Variants in SCIMP observed in about 807,000 individuals in gnomAD.
SCIMP encodes the protein SLP adaptor and CSK interacting membrane protein.
Under a neutral mutation model 22.0 loss-of-function variants are expected in SCIMP, and 18 were observed. The ratio of observed to expected loss-of-function variants is 0.82; its 90% CI spans 0.56 to 1.21. The LOEUF is 1.21. SCIMP is among the 50% of genes most tolerant of loss of function. The probability of loss-of-function intolerance (pLI) is 0.00; values close to 1 mark genes in which losing one functional copy is unlikely to be tolerated. For synonymous variants in SCIMP, 53 were observed against 62.2 expected (o/e 0.85, Z 0.70); for missense variants, 155 against 171.2 (o/e 0.91, Z 0.53).
chr17:5,218,052 G>T (rs2074578990), intron 3 of SCIMP, among the ~76,000 whole-genome samples: 2 of 151,798 alleles, frequency 1.3e-5, no homozygotes, highest in African/African-American at 4.8e-5. Flanking sequence ...TTGAGACAGG[G>T]TCTCACTTTG....
intron 1 of SCIMP, among the ~76,000 whole-genome samples, chr17:5,232,364 G>GTAAACAGTGCAGTA (rs768543079): frequency 1.5e-3 from 11 of 7,150 alleles, no homozygotes; most frequent in Non-Finnish European, 2.8e-3. Flanking sequence ...ACAGTGCAGT[G>GTAAACAGTGCAGTA]TAAACAGTGC....
At chr17:5,231,908 T>C (rs1189803649) in intron 1 of SCIMP, among the ~76,000 whole-genome samples, 5 of 152,030 alleles carry the variant, frequency 3.3e-5, no homozygotes, top group African/African-American at 1.2e-4. Flanking sequence ...TACAAAAAAT[T>C]AGCCAGGCAT....
At chr17:5,224,311 A>AT (rs934663019) in intron 1 of SCIMP, among the ~76,000 whole-genome samples, 3 of 149,696 alleles carry the variant, frequency 2.0e-5, no homozygotes, top group African/African-American at 7.4e-5. Flanking sequence ...ATTTTTTTGT[A>AT]TTTTTTTAGT....
intron 1 of SCIMP, among the ~76,000 whole-genome samples, chr17:5,224,133 G>A (rs1376567025): frequency 6.6e-6 from 1 of 152,038 alleles, no homozygotes; most frequent in African/African-American, 2.4e-5. Context: ...ATAATTGACT[G>A]CAGGGTTGTT....
intron 1 of SCIMP, among the ~76,000 whole-genome samples, chr17:5,227,347 C>T (rs964879260): frequency 5.4e-5 from 8 of 147,124 alleles, no homozygotes; most frequent in Non-Finnish European, 8.9e-5. Flanking sequence ...CCAGGTGTGG[C>T]GGCATGTGCC....
chr17:5,222,129 GCC>G (rs1280395585), intron 2 of SCIMP, among the ~76,000 whole-genome samples: 2 of 146,404 alleles, frequency 1.4e-5, no homozygotes, highest in East Asian at 4.0e-4. Flanking sequence ...TCACACTGTC[GCC>G]CAGACTGGAG....
intron 2 of SCIMP, among the ~76,000 whole-genome samples, chr17:5,221,571 A>G (rs1323546371): frequency 1.3e-5 from 2 of 152,174 alleles, no homozygotes; most frequent in Non-Finnish European, 2.9e-5. Context: ...GGTGGCACTT[A>G]GAAATGTTGG....
intron 4 of SCIMP, chr17:5,213,329 G>T: frequency 1.3e-6 from 1 of 796,334 alleles, no homozygotes. Flanking sequence ...GTGGCTCACT[G>T]CAGACCTCCC....
intron 1 of SCIMP, among the ~76,000 whole-genome samples, chr17:5,234,136 T>C (rs1203892600): frequency 6.6e-6 from 1 of 152,010 alleles, no homozygotes; most frequent in African/African-American, 2.4e-5. Flanking sequence ...CCAGGTGTGG[T>C]GGCGGGTGCC....
At chr17:5,211,766 T>C (rs530222787) in intron 4 of SCIMP, among the ~76,000 whole-genome samples, 40 of 152,074 alleles carry the variant, frequency 2.6e-4, no homozygotes, top group Non-Finnish European at 4.9e-4. Context: ...ACAGAACAGG[T>C]TCATAGGAGG....
intron 3 of SCIMP, among the ~76,000 whole-genome samples, chr17:5,216,999 C>A (rs565996425): frequency 6.6e-6 from 1 of 152,124 alleles, no homozygotes; most frequent in Non-Finnish European, 1.5e-5. Flanking sequence ...GCTATAAAGT[C>A]CCCCTGAGAA....
At chr17:5,230,297 A>G (rs1240123766) in intron 1 of SCIMP, among the ~76,000 whole-genome samples, 3 of 152,202 alleles carry the variant, frequency 2.0e-5, no homozygotes, top group Non-Finnish European at 2.9e-5. Context: ...ACCAAGTTCT[A>G]TTTACAATAG....
rs1305594890 is a variant in SCIMP at position 5,234,835 on chromosome 17, G to A, written c.-80C>T. The A allele has an allele frequency of 4.5e-6, 7 of 1,563,800 alleles. No individual in the cohort carries two copies. The African/African-American group carries it at 6.7e-5, about 15-fold the overall frequency. On this transcript the variant is annotated 5_prime_UTR_variant, in exon 1 of 5. Coordinates refer to ENST00000574081, the MANE Select transcript of SCIMP (RefSeq NM_207103.3). ...TGGTGAGAGGCATTCCTCACTCACA[G>A]GCCTTCACCCACTGCTAGAGACAGT...
At chr17:5,221,389 C>G in intron 2 of SCIMP, 39 bp from the exon 3 acceptor site, 1 of 1,503,946 alleles carries the variant, frequency 6.6e-7, no homozygotes, top group South Asian at 1.1e-5. Context: ...GAAGAATTAG[C>G]AAAAGTTGTG....
At chr17:5,224,040 C>T (rs923240984) in intron 1 of SCIMP, among the ~76,000 whole-genome samples, 1 of 152,218 alleles carries the variant, frequency 6.6e-6, no homozygotes, top group African/African-American at 2.4e-5. Flanking sequence ...CGAACATGTA[C>T]CTACTGGGCC....
At chr17:5,225,187 A>G (rs2585269) in intron 1 of SCIMP, among the ~76,000 whole-genome samples, 87,095 of 152,108 alleles carry the variant, frequency 0.57, 26,570 homozygotes, top group Non-Finnish European at 0.7. Flanking sequence ...TAACACGGCC[A>G]GGTGCGGTGG....
chr17:5,225,997 C>T (rs1207524135), intron 1 of SCIMP, among the ~76,000 whole-genome samples: 2 of 152,126 alleles, frequency 1.3e-5, no homozygotes, highest in African/African-American at 2.4e-5. Context: ...GAAAAACCCT[C>T]ACACATTTGG....
Position 5,210,596 on chromosome 17 carries a change from C to T in SCIMP, c.*205G>A. 6.6e-6 allele frequency: 4 copies of T among 606,802 alleles called. No individual in the cohort carries two copies. Among genetic ancestry groups the T allele is most frequent in the South Asian group, 4.9e-5 (2 of 40,834 alleles). The allele number at this position is 606,802 out of a possible 1,614,324, so 37.6% of individuals were successfully genotyped here. A position where few individuals can be genotyped will look rare whatever the true frequency, so the allele number is the denominator to read the frequency against. On this transcript the variant is annotated 3_prime_UTR_variant, in exon 5 of 5. Transcript: ENST00000574081. ...CCCTCTAAGTCCTCAGAGCCGAGCACCCATGTGTCTCCTCTGGCTGCAGTC... is the reference window on the plus strand; with the variant it reads ...CCCTCTAAGTCCTCAGAGCCGAGCATCCATGTGTCTCCTCTGGCTGCAGTC...
chr17:5,222,949 G>A (rs1202394420), intron 2 of SCIMP, among the ~76,000 whole-genome samples: 1 of 152,186 alleles, frequency 6.6e-6, no homozygotes, highest in Non-Finnish European at 1.5e-5. Flanking sequence ...ACAGGCATGA[G>A]CCACCACGCC....
Sources: allele counts gnomAD v4.1 joint callset (sites outside exome capture counted in the v4.1 genomes callset), GRCh38; gene constraint gnomAD v4.1.1; transcripts MANE v1.5; gene names NCBI Gene and HGNC (gene_info 2026-07-23, HGNC 2026-07-21).